VAV2: variants seen among roughly 807,000 people sequenced by gnomAD.
VAV2 encodes guanine nucleotide exchange factor VAV2.
VAV2 carries 67 observed loss-of-function variants against 132.5 expected under a neutral mutation model. The ratio of observed to expected loss-of-function variants is 0.51; its 90% CI spans 0.42 to 0.62. VAV2 has a LOEUF of 0.62. VAV2 is among the 20% of genes least tolerant of loss of function. The pLI, the probability that VAV2 is intolerant of heterozygous loss-of-function variation, is 0.00. For missense variants in VAV2, 938 were observed against 1,153.6 expected (o/e 0.81, Z 2.71); for synonymous variants, 492 against 443.5 (o/e 1.11, Z -1.37).
At chr9:133,899,050 TGACCTC>T (rs1287438574) in intron 2 of VAV2, among the ~76,000 whole-genome samples, 2 of 151,892 alleles carry the variant, frequency 1.3e-5, no homozygotes, top group Non-Finnish European at 2.9e-5. Flanking sequence ...CTCGATCTCC[TGACCTC>T]GTGATCCGCC....
At chr9:133,927,321 C>G (rs1392032060) in intron 2 of VAV2, among the ~76,000 whole-genome samples, 4 of 152,186 alleles carry the variant, frequency 2.6e-5, no homozygotes, top group Non-Finnish European at 5.9e-5. Flanking sequence ...CAGTCAGCCA[C>G]TACCAATCGA....
chr9:133,783,477 G>C, intron 19 of VAV2, 26 bp downstream of exon 19: 1 of 1,523,156 alleles, frequency 6.6e-7, no homozygotes, highest in African/African-American at 1.5e-5. Context: ...CAGGGACTGG[G>C]GTGGGGGGGT....
chr9:133,927,608 C>T (rs1840526414), intron 2 of VAV2, among the ~76,000 whole-genome samples: 1 of 152,210 alleles, frequency 6.6e-6, no homozygotes. Context: ...CCCCTGCACC[C>T]TTGCCTTTCT....
intron 2 of VAV2, among the ~76,000 whole-genome samples, chr9:133,903,496 C>T (rs1839524262): frequency 6.6e-6 from 1 of 152,204 alleles, no homozygotes; most frequent in Non-Finnish European, 1.5e-5. Context: ...GTGACGGCCA[C>T]ATCACCTGCC....
chr9:133,774,826 T>A (rs1005010972), intron 25 of VAV2, 109 bp downstream of exon 25: 2 of 963,430 alleles, frequency 2.1e-6, no homozygotes, highest in South Asian at 1.5e-5. Context: ...TGGCAACAGA[T>A]GACATGTCCA....
At chr9:133,964,619 TACCATGATCA>T (rs1199330431) in intron 1 of VAV2, among the ~76,000 whole-genome samples, 1 of 152,110 alleles carries the variant, frequency 6.6e-6, no homozygotes, top group African/African-American at 2.4e-5. Context: ...AAAGACCCCT[TACCATGATCA>T]AATGGGATTT....
chr9:133,783,052 T>C (rs1834065644), intron 19 of VAV2, among the ~76,000 whole-genome samples: 1 of 152,208 alleles, frequency 6.6e-6, no homozygotes, highest in East Asian at 1.9e-4. Context: ...TGTGTATGCG[T>C]GCATGTGTGT....
At chr9:133,858,155 C>G (rs933815948) in intron 3 of VAV2, among the ~76,000 whole-genome samples, 1 of 152,180 alleles carries the variant, frequency 6.6e-6, no homozygotes, top group African/African-American at 2.4e-5. Flanking sequence ...ATAGGCCCTC[C>G]GGATAAGAGC....
intron 1 of VAV2, among the ~76,000 whole-genome samples, chr9:133,978,096 C>A (rs1842573086): frequency 6.6e-6 from 1 of 152,260 alleles, no homozygotes; most frequent in African/African-American, 2.4e-5. Context: ...CATTCAAGAC[C>A]AGGAGCGGGG....
Position 133,763,817 on chromosome 9 carries a change from C to G in VAV2, c.*245G>C, listed in dbSNP as rs1258034020. On this transcript the variant is annotated 3_prime_UTR_variant, in exon 30 of 30. Transcript: ENST00000371850. This position sits in a 1 kb window ranked among gnomAD's most constrained non-coding sequence, Gnocchi z 6.8. ...CGCTGTCGGTGCCCCCTCCTCTGCG[C>G]TCTGGGTGGGGCTAGCCCAGGTTTC... 2 of 531,356 alleles carry G rather than the reference C, an allele frequency of 3.8e-6. No individual in the cohort carries two copies. The highest frequency in any genetic ancestry group is 6.6e-5 in the East Asian group (2 of 30,534). 32.9% of individuals were successfully genotyped at this position (531,356 alleles called of 1,614,324 possible). A position where few individuals can be genotyped will look rare whatever the true frequency, so the allele number is the denominator to read the frequency against.
chr9:133,803,932 C>T (rs947451565), intron 9 of VAV2, among the ~76,000 whole-genome samples: 1 of 152,194 alleles, frequency 6.6e-6, no homozygotes, highest in Admixed American at 6.5e-5. Flanking sequence ...CCTCGCCCCA[C>T]CCCTGCAGGA....
intron 1 of VAV2, among the ~76,000 whole-genome samples, chr9:133,970,578 G>A (rs1272077660): frequency 6.6e-6 from 1 of 152,218 alleles, no homozygotes; most frequent in African/African-American, 2.4e-5. Context: ...CACATGTGGG[G>A]CTGCAGAGAT....
Position 133,777,403 on chromosome 9 carries a change from G to C in VAV2, c.1951C>G (p.Pro651Ala). 1 of 1,613,772 alleles carries C rather than the reference G, an allele frequency of 6.2e-7. No individual in the cohort carries two copies. The highest frequency in any genetic ancestry group is 8.5e-7 in the Non-Finnish European group (1 of 1,179,996). Residue 651 changes from proline (P) to alanine (A), a missense_variant, in exon 23 of 30, where the codon CCT (proline) becomes GCT (alanine). Pro to Ala is a conservative substitution (Grantham distance 27). Transcript: ENST00000371850. ...YFPSSSVKPC[P>A]VDGRPPISRP... ...AAAGGACTCACCCTTCCATCCACAGGGCAGGGCTTCACAGATGAGCTGGGG... is the reference window on the plus strand; with the variant it reads ...AAAGGACTCACCCTTCCATCCACAGCGCAGGGCTTCACAGATGAGCTGGGG...
At chr9:133,979,057 C>A (rs1413535595) in intron 1 of VAV2, among the ~76,000 whole-genome samples, 3 of 152,218 alleles carry the variant, frequency 2.0e-5, no homozygotes, top group African/African-American at 7.2e-5. Context: ...GGAGCGCCCA[C>A]CCCAGCCGCG....
chr9:133,973,131 G>A (rs1017775787), intron 1 of VAV2, among the ~76,000 whole-genome samples: 2 of 151,924 alleles, frequency 1.3e-5, no homozygotes, highest in Non-Finnish European at 2.9e-5. Flanking sequence ...GCCACGGAGG[G>A]CCCAAGGAAG....
chr9:133,886,213 C>T (rs904217264), intron 2 of VAV2, among the ~76,000 whole-genome samples: 1 of 152,142 alleles, frequency 6.6e-6, no homozygotes, highest in Non-Finnish European at 1.5e-5. Context: ...GGGAAAGCTC[C>T]GCCACATGCA....
rs547213348 is a variant in VAV2, at chr9:133,896,999, C to T, written c.322-35567G>A. ...GTCCCAGCTACTCGGGAGGCTGAGG[C>T]AGGAGAATGGTGTGAACCCGGGAGG... is the stretch of plus-strand genomic sequence containing the variant. On this transcript the variant is annotated intron_variant, in intron 2 of 29. Transcript: ENST00000371850. 6.5e-4 allele frequency among the ~76,000 whole-genome samples: 99 copies of T among 152,120 alleles called. 1 individual carries two copies. The South Asian group carries it at 0.011, about 17-fold the overall frequency.
intron 12 of VAV2, among the ~76,000 whole-genome samples, chr9:133,792,678 A>ACCCCC (rs199592841): frequency 8.4e-6 from 1 of 118,654 alleles, no homozygotes; most frequent in Non-Finnish European, 1.8e-5. Context: ...CCCCCAAGGG[A>ACCCCC]CCCCCCCCCC....
At position 133,983,429 on chromosome 9, in the gene VAV2, G is replaced by A. The variant is rs560077818; in HGVS notation, c.204+8646C>T. ...CAACAGAGGCACAGGGGGTGGGGCG[G>A]ATGCTCACCCACGCCAGGCCCCCAC... On this transcript the variant is annotated intron_variant, in intron 1 of 29. Coordinates refer to ENST00000371850, the MANE Select transcript of VAV2 (RefSeq NM_001134398.2). Among the ~76,000 whole-genome samples, 10 of 152,216 alleles carry A rather than the reference G, an allele frequency of 6.6e-5. No individual in the cohort carries two copies. The South Asian group carries it at 1.9e-3, about 28-fold the overall frequency.
Sources: gnomAD v4.1 joint callset for allele counts (sites outside exome capture counted in the v4.1 genomes callset) on GRCh38, gnomAD v4.1.1 for gene constraint, Gnocchi (gnomAD v3.1) non-coding constraint, MANE v1.5 for transcripts, NCBI Gene and HGNC (gene_info 2026-07-23, HGNC 2026-07-21) for gene names.